The following TSPAN15 variants were observed in gnomAD, a reference collection of about 807,000 sequenced individuals.
TSPAN15 encodes the protein tetraspanin-15.
TSPAN15 carries 20 observed loss-of-function variants against 34.5 expected under a neutral mutation model. That is an observed-to-expected ratio of 0.58 (90% CI 0.41 to 0.84). TSPAN15 has a LOEUF of 0.84. Ranked by LOEUF, TSPAN15 falls within the 40% of genes least tolerant of loss-of-function variation. TSPAN15 has a pLI of 0.00. For synonymous variants in TSPAN15, 155 were observed against 153.9 expected (o/e 1.01, Z -0.05); for missense variants, 313 against 386.1 (o/e 0.81, Z 1.59).
intron 3 of TSPAN15, among the ~76,000 whole-genome samples, chr10:69,489,785 C>G (rs962265920): frequency 2.6e-5 from 4 of 152,226 alleles, no homozygotes; most frequent in African/African-American, 9.6e-5. Context: ...AGTGGCCATG[C>G]ACTGGGGAGC....
chr10:69,547,713 G>A, the TSPAN15 span, among the ~76,000 whole-genome samples: 6 of 152,102 alleles, frequency 3.9e-5, no homozygotes, highest in Non-Finnish European at 8.8e-5. Flanking sequence ...ACATAAGCAG[G>A]AAGTGCCGAG....
intron 5 of TSPAN15, among the ~76,000 whole-genome samples, chr10:69,503,708 C>T (rs1038022550): frequency 2.0e-5 from 3 of 152,126 alleles, no homozygotes. Flanking sequence ...GGGGGACGGT[C>T]ATGGGCTGGA....
At chr10:69,455,611 T>TTTCTTTCTTTCTTTCTTTCTCC (rs1841082103) in intron 1 of TSPAN15, among the ~76,000 whole-genome samples, 1 of 103,720 alleles carries the variant, frequency 9.6e-6, no homozygotes, top group African/African-American at 3.9e-5. Context: ...TTTCTTTCTC[T>TTTCTTTCTTTCTTTCTTTCTCC]CTCTCTCTCT....
At chr10:69,543,095 T>C in the TSPAN15 span, among the ~76,000 whole-genome samples, 1 of 152,218 alleles carries the variant, frequency 6.6e-6, no homozygotes. Context: ...CCTATTTCTT[T>C]GCTTTGCCTA....
At chr10:69,529,270 C>T in the TSPAN15 span, among the ~76,000 whole-genome samples, 2 of 147,768 alleles carry the variant, frequency 1.4e-5, no homozygotes, top group South Asian at 2.1e-4. Context: ...GCAGGGCCCC[C>T]ACTTGTTTTT....
intron 1 of TSPAN15, among the ~76,000 whole-genome samples, chr10:69,452,408 G>A (rs1193511255): frequency 6.6e-6 from 1 of 152,050 alleles, no homozygotes; most frequent in African/African-American, 2.4e-5. Flanking sequence ...TCTCTGTATC[G>A]TTCCAATTTC....
chr10:69,485,701 T>C (rs530155803), intron 3 of TSPAN15, among the ~76,000 whole-genome samples: 97 of 152,208 alleles, frequency 6.4e-4, no homozygotes, highest in African/African-American at 2.3e-3. Flanking sequence ...CAGTTTATAT[T>C]GTACCATGGC....
the TSPAN15 span, among the ~76,000 whole-genome samples, chr10:69,517,717 C>T: frequency 6.6e-6 from 1 of 152,218 alleles, no homozygotes; most frequent in African/African-American, 2.4e-5. Flanking sequence ...TTACCCTGGC[C>T]AGGACCCGGC....
chr10:69,549,049 T>G, the TSPAN15 span, among the ~76,000 whole-genome samples: 1 of 143,286 alleles, frequency 7.0e-6, no homozygotes, highest in Non-Finnish European at 1.6e-5. Context: ...CCCTCTTTAA[T>G]GGAATACAAT....
the TSPAN15 span, among the ~76,000 whole-genome samples, chr10:69,545,623 A>G: frequency 6.6e-6 from 1 of 152,146 alleles, no homozygotes; most frequent in East Asian, 1.9e-4. Context: ...TTTACCCTCC[A>G]CTACTCTAGG....
Position 69,507,540 on chromosome 10 carries a change from AT to A in TSPAN15, c.*569del, listed in dbSNP as rs1564618904. The A allele has an allele frequency of 7.7e-7, 1 of 1,303,154 alleles. No individual in the cohort carries two copies. The highest frequency in any genetic ancestry group is 1.2e-5 in the South Asian group (1 of 80,976). 80.7% of individuals were successfully genotyped at this position (1,303,154 alleles called of 1,614,324 possible). On this transcript the variant is annotated 3_prime_UTR_variant, in exon 8 of 8. Coordinates refer to ENST00000373290, the MANE Select transcript of TSPAN15 (RefSeq NM_012339.5). ...TTTTTACGTGATTTTTGTAACATTC[AT>A]TTTTTTGTACAGATAACAGGAGTTT...
chr10:69,520,993 C>CTTTTTTTTTTTTTTTTTTT, the TSPAN15 span, among the ~76,000 whole-genome samples: 2 of 148,252 alleles, frequency 1.3e-5, no homozygotes, highest in Non-Finnish European at 1.5e-5. Context: ...TGTTATTTTC[C>CTTTTTTTTTTTTTTTTTTT]TTTTTTTTTT....
intron 3 of TSPAN15, among the ~76,000 whole-genome samples, chr10:69,485,888 G>C (rs1402216264): frequency 6.6e-6 from 1 of 152,194 alleles, no homozygotes; most frequent in Admixed American, 6.5e-5. Flanking sequence ...ATCAGAGGCT[G>C]TTATGCCGGC....
At chr10:69,471,291 A>T (rs533644185) in intron 1 of TSPAN15, among the ~76,000 whole-genome samples, 142 of 151,750 alleles carry the variant, frequency 9.4e-4, no homozygotes, top group Middle Eastern at 3.7e-3. Flanking sequence ...AACCACTTTC[A>T]TAGTAATAGT....
At chr10:69,452,501 T>A (rs1308218708) in intron 1 of TSPAN15, among the ~76,000 whole-genome samples, 2 of 152,218 alleles carry the variant, frequency 1.3e-5, no homozygotes, top group African/African-American at 4.8e-5. Flanking sequence ...TTTCCTCATC[T>A]GTAAATGGAC....
chr10:69,547,085 C>T, the TSPAN15 span, among the ~76,000 whole-genome samples: 1 of 151,434 alleles, frequency 6.6e-6, no homozygotes, highest in Non-Finnish European at 1.5e-5. Context: ...GCCTGTAATC[C>T]CAGCTACTCA....
chr10:69,469,622 A>G (rs1297424797), intron 1 of TSPAN15, among the ~76,000 whole-genome samples: 6 of 152,154 alleles, frequency 3.9e-5, no homozygotes, highest in African/African-American at 1.2e-4. Flanking sequence ...GTTGGTGCAA[A>G]AGTAATTGCA....
chr10:69,495,561 T>C, intron 3 of TSPAN15, 33 bp from the exon 4 acceptor site: 1 of 1,533,404 alleles, frequency 6.5e-7, no homozygotes, highest in Non-Finnish European at 9.0e-7. Flanking sequence ...GAGTGTGTGG[T>C]TCTTTTCCTT....
intron 5 of TSPAN15, among the ~76,000 whole-genome samples, chr10:69,499,009 G>C (rs915804960): frequency 6.6e-6 from 1 of 152,198 alleles, no homozygotes; most frequent in Non-Finnish European, 1.5e-5. Context: ...GTGCTTGGAA[G>C]GGGGTCTGGT....
Sources: gnomAD v4.1 joint callset for allele counts (sites outside exome capture counted in the v4.1 genomes callset) on GRCh38, gnomAD v4.1.1 for gene constraint, MANE v1.5 for transcripts, NCBI Gene and HGNC (gene_info 2026-07-23, HGNC 2026-07-21) for gene names.